CNTNAP2: variants seen among roughly 807,000 people sequenced by gnomAD.
CNTNAP2 encodes the protein contactin associated protein 2.
A neutral mutation model predicts 155.2 loss-of-function variants in CNTNAP2; 98 were observed. The observed-to-expected ratio is 0.63, with a 90% CI of 0.54 to 0.75. The LOEUF (loss-of-function observed/expected upper bound fraction) is 0.75, where lower values mean the gene tolerates loss of function less well. CNTNAP2 is among the 30% of genes least tolerant of loss of function. The pLI, the probability that CNTNAP2 is intolerant of heterozygous loss-of-function variation, is 0.00. For synonymous variants in CNTNAP2, 651 were observed against 631.2 expected (o/e 1.03, Z -0.47); for missense variants, 1,727 against 1,688.1 (o/e 1.02, Z -0.40).
chr7:146,323,671 T>A (rs191482183), intron 1 of CNTNAP2, among the ~76,000 whole-genome samples: 6 of 152,254 alleles, frequency 3.9e-5, no homozygotes, highest in Admixed American at 2.6e-4. Flanking sequence ...GAAGAGGTAT[T>A]GCTCTTCTAG....
intron 21 of CNTNAP2, among the ~76,000 whole-genome samples, chr7:148,328,972 T>G (rs1797939436): frequency 2.3e-5 from 1 of 42,866 alleles, no homozygotes; most frequent in Non-Finnish European, 3.8e-5. Context: ...CAAGACTCTG[T>G]CTGGAAAAAA....
At chr7:146,566,965 C>T (rs979300151) in intron 1 of CNTNAP2, among the ~76,000 whole-genome samples, 2 of 152,026 alleles carry the variant, frequency 1.3e-5, no homozygotes, top group African/African-American at 4.8e-5. Context: ...TTTTAATGAA[C>T]TTATGGCTTC....
At chr7:146,692,508 T>G (rs753944507) in intron 1 of CNTNAP2, among the ~76,000 whole-genome samples, 8 of 152,160 alleles carry the variant, frequency 5.3e-5, no homozygotes, top group African/African-American at 1.9e-4. Flanking sequence ...TAATTGCAAG[T>G]GCAATTTTAA....
chr7:148,007,088 T>C (rs1316141929), intron 15 of CNTNAP2, among the ~76,000 whole-genome samples: 1 of 152,236 alleles, frequency 6.6e-6, no homozygotes, highest in African/African-American at 2.4e-5. Flanking sequence ...CTCTTCCACA[T>C]TGATGGCACC....
chr7:146,968,481 T>G (rs1797708410), intron 3 of CNTNAP2, among the ~76,000 whole-genome samples: 2 of 152,092 alleles, frequency 1.3e-5, no homozygotes, highest in African/African-American at 4.8e-5. Context: ...ATTGCCACAA[T>G]TTCAGAGCCT....
chr7:147,962,511 C>CA (rs894478805), intron 14 of CNTNAP2, among the ~76,000 whole-genome samples: 1 of 152,138 alleles, frequency 6.6e-6, no homozygotes, highest in African/African-American at 2.4e-5. Flanking sequence ...CTTCTTTATA[C>CA]ATGTGTTGAA....
chr7:147,595,943 G>A (rs185466595), intron 12 of CNTNAP2, among the ~76,000 whole-genome samples: 12 of 152,234 alleles, frequency 7.9e-5, no homozygotes, highest in Admixed American at 5.9e-4. Flanking sequence ...TTTGCTTGAC[G>A]TATAAATGTT....
intron 12 of CNTNAP2, among the ~76,000 whole-genome samples, chr7:147,615,191 G>T (rs1801258028): frequency 7.2e-6 from 1 of 138,662 alleles, no homozygotes; most frequent in Non-Finnish European, 1.5e-5. Flanking sequence ...TTGAGCCTGG[G>T]AGGTTGATGC....
chr7:146,573,482 G>A (rs1584988052), intron 1 of CNTNAP2, among the ~76,000 whole-genome samples: 1 of 152,002 alleles, frequency 6.6e-6, no homozygotes, highest in South Asian at 2.1e-4. Context: ...AAGAACTCTG[G>A]AGAGCTGGAG....
intron 4 of CNTNAP2, among the ~76,000 whole-genome samples, chr7:147,091,699 A>C (rs1395559463): frequency 6.7e-6 from 1 of 150,296 alleles, no homozygotes; most frequent in Non-Finnish European, 1.5e-5. Flanking sequence ...TCCGCCTCCC[A>C]GGTTGAAGCC....
chr7:147,340,460 A>G (rs920300124), intron 9 of CNTNAP2, among the ~76,000 whole-genome samples: 8 of 152,068 alleles, frequency 5.3e-5, no homozygotes, highest in African/African-American at 1.7e-4. Flanking sequence ...TTAACCAGAT[A>G]ATCTCATTGG....
chr7:147,841,413 T>C (rs1434511097), intron 13 of CNTNAP2, among the ~76,000 whole-genome samples: 1 of 152,160 alleles, frequency 6.6e-6, no homozygotes, highest in Non-Finnish European at 1.5e-5. Flanking sequence ...TAAAATGTCA[T>C]GAGCACCTCC....
chr7:147,707,568 A>C (rs566678858), intron 13 of CNTNAP2, among the ~76,000 whole-genome samples: 1 of 152,324 alleles, frequency 6.6e-6, no homozygotes, highest in African/African-American at 2.4e-5. Flanking sequence ...GCCCCAGGGC[A>C]ACATATGCTA....
At chr7:146,361,827 G>A (rs1795087162) in intron 1 of CNTNAP2, among the ~76,000 whole-genome samples, 2 of 152,050 alleles carry the variant, frequency 1.3e-5, no homozygotes, top group African/African-American at 4.8e-5. Flanking sequence ...TAAATATGAA[G>A]GCATGAAACA....
At chr7:147,373,970 C>G (rs990247488) in intron 9 of CNTNAP2, among the ~76,000 whole-genome samples, 2 of 151,620 alleles carry the variant, frequency 1.3e-5, no homozygotes, top group Non-Finnish European at 2.9e-5. Context: ...AAAAAAAAAG[C>G]AAACATAGAC....
intron 9 of CNTNAP2, among the ~76,000 whole-genome samples, chr7:147,377,570 G>A (rs887790804): frequency 6.6e-6 from 1 of 151,416 alleles, no homozygotes; most frequent in Non-Finnish European, 1.5e-5. Flanking sequence ...GCTTTTAATG[G>A]GAATGTGTTG....
chr7:146,222,892 C>T lies in CNTNAP2; in HGVS notation c.97+105919C>T, dbSNP rs1462987288. 2.6e-5 allele frequency among the ~76,000 whole-genome samples: 4 copies of T among 151,936 alleles called. No individual in the cohort carries two copies. In the East Asian group the frequency reaches 5.8e-4, roughly 22 times the overall value. ...GCCAGGATGGTCTCGATCTCCTGAC[C>T]TCATGATCCGCCCGCCTCGGCCTCC... On this transcript the variant is annotated intron_variant, in intron 1 of 23. Coordinates refer to ENST00000361727, the MANE Select transcript of CNTNAP2 (RefSeq NM_014141.6).
intron 4 of CNTNAP2, among the ~76,000 whole-genome samples, chr7:147,078,691 A>G (rs985283830): frequency 2.6e-5 from 4 of 152,026 alleles, no homozygotes; most frequent in Admixed American, 2.6e-4. Flanking sequence ...CCTCCATTAA[A>G]AAAAACTCTC....
chr7:146,706,396 TAA>T (rs745455969), intron 1 of CNTNAP2, among the ~76,000 whole-genome samples: 2 of 151,948 alleles, frequency 1.3e-5, no homozygotes, highest in African/African-American at 2.4e-5. Context: ...GAAGAAAAAT[TAA>T]AAAAGAAAGA....
Sources: gnomAD v4.1 joint callset for allele counts (sites outside exome capture counted in the v4.1 genomes callset) on GRCh38, gnomAD v4.1.1 for gene constraint, MANE v1.5 for transcripts, NCBI Gene and HGNC (gene_info 2026-07-23, HGNC 2026-07-21) for gene names.